Variants in KNTC1 observed in about 807,000 individuals in gnomAD.
KNTC1 encodes kinetochore associated 1, also known as kinetochore-associated protein 1.
A neutral mutation model predicts 314.4 loss-of-function variants in KNTC1; 253 were observed. That is an observed-to-expected ratio of 0.80 (90% CI 0.73 to 0.89). The LOEUF (loss-of-function observed/expected upper bound fraction) is 0.89, where lower values mean the gene tolerates loss of function less well. Ranked by LOEUF, KNTC1 falls within the 40% of genes least tolerant of loss-of-function variation. KNTC1 has a pLI of 0.00. For missense variants in KNTC1, 2,475 were observed against 2,572.9 expected (o/e 0.96, Z 0.82); for synonymous variants, 901 against 901.4 (o/e 1.00, Z 0.01).
rs1311299958 is a variant in KNTC1 at position 122,588,700 on chromosome 12, C to T, written c.3895-12C>T. On this transcript the variant is annotated splice_polypyrimidine_tract_variant and intron_variant, in intron 39 of 63. Coordinates refer to ENST00000333479, the MANE Select transcript of KNTC1 (RefSeq NM_014708.6). ...AACTAGACCTAAATATTTTTTTCTT[C>T]TTTTCTAAAAGTTATTTGGAGAGAC... 2.0e-6 allele frequency: 3 copies of T among 1,482,494 alleles called. No individual in the cohort carries two copies. The highest frequency in any genetic ancestry group is 5.4e-5 in the Admixed American group (2 of 37,226). 91.8% of individuals were successfully genotyped at this position (1,482,494 alleles called of 1,614,324 possible). A position where few individuals can be genotyped will look rare whatever the true frequency, so the allele number is the denominator to read the frequency against.
chr12:122,579,926 G>A lies in KNTC1; in HGVS notation c.2863G>A (p.Val955Ile), dbSNP rs768980416. The A allele has an allele frequency of 6.2e-7, 1 of 1,610,452 alleles. No individual in the cohort carries two copies. The highest frequency in any genetic ancestry group is 1.7e-5 in the Admixed American group (1 of 59,976). Residue 955 changes from valine (V) to isoleucine (I), a missense_variant, in exon 32 of 64, where the codon GTA becomes ATA. Val to Ile is a conservative substitution (Grantham distance 29, BLOSUM62 3). Coordinates refer to ENST00000333479, the MANE Select transcript of KNTC1 (RefSeq NM_014708.6). ...TTAGGGCAAGGCCTGGAGAATGTCT[G>A]TAGCGAAGACATCCGTGGACATTCT... ...SKEGKAWRMS[V>I]AKTSVDILKI... is the part of the protein sequence containing the mutation.
intron 20 of KNTC1, among the ~76,000 whole-genome samples, chr12:122,565,495 T>G (rs549570830): frequency 6.7e-6 from 1 of 148,394 alleles, no homozygotes; most frequent in Non-Finnish European, 1.5e-5. Flanking sequence ...GGCATTTTTT[T>G]AATTGATTTT....
At chr12:122,539,779 G>C in intron 5 of KNTC1, 25 bp downstream of exon 5, 2 of 1,337,682 alleles carry the variant, frequency 1.5e-6, no homozygotes, top group Non-Finnish European at 2.0e-6. Context: ...ATTTTTTTTT[G>C]AATGACTTTT....
At chr12:122,616,410 A>G (rs927951550) in intron 57 of KNTC1, among the ~76,000 whole-genome samples, 2 of 151,914 alleles carry the variant, frequency 1.3e-5, no homozygotes, top group Admixed American at 1.3e-4. Flanking sequence ...CTACAGGCGC[A>G]TGCCGCCACG....
At chr12:122,560,423 C>T (rs1371530135) in intron 18 of KNTC1, among the ~76,000 whole-genome samples, 1 of 152,132 alleles carries the variant, frequency 6.6e-6, no homozygotes, top group Non-Finnish European at 1.5e-5. Flanking sequence ...GGCTAGAGTG[C>T]AATGGCGTGA....
rs772587288 is a variant in KNTC1 at position 122,543,727 on chromosome 12, A to G, written c.558+93A>G. ...CTGTATATAATTGGTCTACTTCTTG[A>G]TATTTTAGAAATTATTATGATATAA... On this transcript the variant is annotated intron_variant, in intron 7 of 63. Transcript: ENST00000333479. 1.4e-3 allele frequency: 965 copies of G among 709,074 alleles called. 4 individuals are homozygous for G. The highest frequency in any genetic ancestry group is 3.2e-3 in the Middle Eastern group (8 of 2,508). 43.9% of individuals were successfully genotyped at this position (709,074 alleles called of 1,614,324 possible).
At chr12:122,544,813 A>G (rs768482447) in intron 8 of KNTC1, among the ~76,000 whole-genome samples, 5 of 152,210 alleles carry the variant, frequency 3.3e-5, no homozygotes, top group African/African-American at 7.2e-5. Flanking sequence ...TTTTTTGCCC[A>G]TCCAGCTTCA....
At chr12:122,625,248 C>T (rs1354149300) in intron 63 of KNTC1, among the ~76,000 whole-genome samples, 3 of 151,952 alleles carry the variant, frequency 2.0e-5, no homozygotes, top group African/African-American at 7.3e-5. Context: ...ACTAAAAATA[C>T]AAAAATTAGC....
chr12:122,579,647 A>G (rs1965269701), intron 31 of KNTC1, among the ~76,000 whole-genome samples: 1 of 152,192 alleles, frequency 6.6e-6, no homozygotes, highest in Admixed American at 6.5e-5. Flanking sequence ...ATAAGGATCT[A>G]TTAATCATAA....
chr12:122,607,989 A>G (rs553590482), intron 51 of KNTC1, among the ~76,000 whole-genome samples: 2 of 152,326 alleles, frequency 1.3e-5, no homozygotes, highest in Admixed American at 6.5e-5. Context: ...GATCTTCTGT[A>G]TCATTTCTTC....
At chr12:122,558,656 G>A (rs925550189) in intron 18 of KNTC1, among the ~76,000 whole-genome samples, 1 of 148,644 alleles carries the variant, frequency 6.7e-6, no homozygotes, top group East Asian at 2.0e-4. Context: ...AGGTGAGTGG[G>A]TCACCTGAGG....
chr12:122,539,591 T>C (rs1962124301), intron 4 of KNTC1, 85 bp from the exon 5 acceptor site: 2 of 925,652 alleles, frequency 2.2e-6, no homozygotes, highest in African/African-American at 1.7e-5. Context: ...TAATGATAAT[T>C]GATAACTCTA....
intron 62 of KNTC1, among the ~76,000 whole-genome samples, chr12:122,624,016 C>T (rs11059023): frequency 0.2 from 30,005 of 151,880 alleles, 3,388 homozygotes; most frequent in East Asian, 0.45. Context: ...TGCAGTGAGC[C>T]GAGATCGCAC....
intron 22 of KNTC1, 149 bp downstream of exon 22, chr12:122,569,973 TG>T (rs1421220474): frequency 4.7e-5 from 30 of 639,768 alleles, no homozygotes; most frequent in Non-Finnish European, 7.5e-5. Flanking sequence ...AAGACAACTG[TG>T]ATTCAGAAGG....
chr12:122,599,319 G>T lies in KNTC1; in HGVS notation c.4563+1381G>T, dbSNP rs374105350. 1.5e-4 allele frequency among the ~76,000 whole-genome samples: 23 copies of T among 151,950 alleles called. 1 individual carries two copies. In the South Asian group the frequency reaches 4.6e-3, roughly 30 times the overall value. The stretch of plus-strand genomic sequence containing the variant: ...TCTGAGAATTGGAATGTTTGGTCAG[G>T]GGGTAGTTTAATGGAGAAATGAAGG... On this transcript the variant is annotated intron_variant, in intron 44 of 63. Coordinates refer to ENST00000333479, the MANE Select transcript of KNTC1 (RefSeq NM_014708.6).
Position 122,571,141 on chromosome 12 carries a change from T to C in KNTC1, c.2019+15T>C. 1 of 1,585,290 alleles carries C rather than the reference T, an allele frequency of 6.3e-7. No individual in the cohort carries two copies. The highest frequency in any genetic ancestry group is 8.7e-7 in the Non-Finnish European group (1 of 1,154,228). The stretch of plus-strand genomic sequence containing the variant: ...GGATTTCCTTGGTATGATGTGAGAA[T>C]GGATTTTTAGTAATGAAACAGTCAG... On this transcript the variant is annotated intron_variant, in intron 24 of 63. Coordinates refer to ENST00000333479, the MANE Select transcript of KNTC1 (RefSeq NM_014708.6).
rs544466009 is a variant in KNTC1, at chr12:122,568,206, G to C, written c.1605-55G>C. ...GCATTTAAAGATAATCCACTTAAAA[G>C]GTATAACCTTAATTTTTTTTAAAAC... On this transcript the variant is annotated intron_variant, in intron 20 of 63. Transcript: ENST00000333479. 41 of 827,178 alleles carry C rather than the reference G, an allele frequency of 5.0e-5. No individual in the cohort carries two copies. The East Asian group carries it at 9.3e-4, about 19-fold the overall frequency. 51.2% of individuals were successfully genotyped at this position (827,178 alleles called of 1,614,324 possible).
intron 42 of KNTC1, among the ~76,000 whole-genome samples, chr12:122,592,087 G>C (rs1316107626): frequency 6.6e-6 from 1 of 152,238 alleles, no homozygotes; most frequent in Admixed American, 6.5e-5. Context: ...AGTTCCGGGT[G>C]GATGTGGGCT....
intron 53 of KNTC1, chr12:122,611,802 T>A (rs1306433330): frequency 6.6e-6 from 1 of 152,190 alleles, no homozygotes; most frequent in African/African-American, 2.4e-5. Flanking sequence ...CCTATATACC[T>A]TAAATCATCT....
Sources: gnomAD v4.1 joint callset for allele counts (sites outside exome capture counted in the v4.1 genomes callset) on GRCh38, gnomAD v4.1.1 for gene constraint, MANE v1.5 for transcripts, NCBI Gene and HGNC (gene_info 2026-07-23, HGNC 2026-07-21) for gene names.